The following PARD3B variants were observed in gnomAD, a reference collection of about 807,000 sequenced individuals.
The protein encoded by PARD3B is partitioning defective 3 homolog B.
Under a neutral mutation model 130.2 loss-of-function variants are expected in PARD3B, and 103 were observed. The observed-to-expected ratio is 0.79, with a 90% CI of 0.67 to 0.93. The LOEUF is 0.93. Among genes scored for constraint, PARD3B ranks in the 40% least tolerant of loss-of-function variants. The pLI, the probability that PARD3B is intolerant of heterozygous loss-of-function variation, is 0.00. For synonymous variants in PARD3B, 583 were observed against 553.2 expected, an observed-to-expected ratio of 1.05 and a Z score of -0.76; for missense variants, 1,609 against 1,499.2, an observed-to-expected ratio of 1.07 and a Z score of -1.21.
chr2:204,563,722 G>T (rs2031491214), intron 1 of PARD3B, among the ~76,000 whole-genome samples: 1 of 152,068 alleles, frequency 6.6e-6, no homozygotes, highest in Non-Finnish European at 1.5e-5. Flanking sequence ...TGACACTTTT[G>T]AGACTCATGT....
chr2:205,034,367 T>C (rs7568370), intron 3 of PARD3B, among the ~76,000 whole-genome samples: 83,720 of 152,040 alleles, frequency 0.55, 23,554 homozygotes, highest in Middle Eastern at 0.72. Flanking sequence ...ACAACTTGTT[T>C]TATCCCGATT....
intron 19 of PARD3B, among the ~76,000 whole-genome samples, chr2:205,404,398 C>T (rs77550434): frequency 0.025 from 3,874 of 152,158 alleles, 153 homozygotes; most frequent in African/African-American, 0.087. Flanking sequence ...ATCAGGGAGT[C>T]GATCATTCAC....
rs1207566616 is a variant in PARD3B, at chr2:204,545,697, G to A, written c.-303G>A. Reference sequence around the variant, plus strand: ...TGGGCGCGGAGCAGCCGCCTGGGCCGGGCAGGAGTAGGAGCGGGAGGAGGA... The same window carrying A: ...TGGGCGCGGAGCAGCCGCCTGGGCCAGGCAGGAGTAGGAGCGGGAGGAGGA... On this transcript the variant is annotated 5_prime_UTR_variant, in exon 1 of 23. Transcript: ENST00000406610. 1.9e-5 allele frequency: 5 copies of A among 261,956 alleles called. No homozygotes were observed. The highest frequency in any genetic ancestry group is 3.6e-5 in the Non-Finnish European group (5 of 140,794). The allele number at this position is 261,956 out of a possible 1,614,324, so 16.2% of individuals were successfully genotyped here.
intron 3 of PARD3B, among the ~76,000 whole-genome samples, chr2:205,009,530 G>A (rs1166477181): frequency 6.6e-6 from 1 of 152,026 alleles, no homozygotes; most frequent in Non-Finnish European, 1.5e-5. Context: ...AATTAGCCGG[G>A]CATGGTGGCG....
At chr2:205,127,134 A>G (rs2031521058) in intron 10 of PARD3B, among the ~76,000 whole-genome samples, 3 of 151,716 alleles carry the variant, frequency 2.0e-5, no homozygotes, top group South Asian at 4.2e-4. Flanking sequence ...CGTCTCTACT[A>G]AAAAATACAA....
intron 2 of PARD3B, among the ~76,000 whole-genome samples, chr2:204,895,020 T>A (rs969858170): frequency 4.0e-5 from 6 of 150,602 alleles, no homozygotes; most frequent in African/African-American, 1.5e-4. Flanking sequence ...AGTAATAGAT[T>A]TTTTGAAAAG....
Position 205,564,406 on chromosome 2 carries a change from C to G in PARD3B, c.3260+11003C>G, listed in dbSNP as rs2106528593. On this transcript the variant is annotated intron_variant, in intron 22 of 22. Transcript: ENST00000406610. The surrounding 1 kb of genome is among the most constrained non-coding windows in gnomAD (Gnocchi z 4.6). ...ACTCCTCTTAGCAAATTCAAACACC[C>G]ACTTCCTTCCAGCCAAAATATTTTA... is the stretch of plus-strand genomic sequence containing the variant. Among the ~76,000 whole-genome samples, 1 of 152,318 alleles carries G rather than the reference C, an allele frequency of 6.6e-6. No individual in the cohort carries two copies. The highest frequency in any genetic ancestry group is 2.1e-4 in the South Asian group (1 of 4,816).
At chr2:205,343,325 T>C (rs2080419) in intron 18 of PARD3B, among the ~76,000 whole-genome samples, 85,125 of 152,006 alleles carry the variant, frequency 0.56, 27,601 homozygotes, top group South Asian at 0.75. Context: ...GCTCCGAGCA[T>C]GAAGGAGATA....
chr2:205,075,508 A>AAT, intron 4 of PARD3B, among the ~76,000 whole-genome samples: 1 of 152,042 alleles, frequency 6.6e-6, no homozygotes. Flanking sequence ...TATATTAAGA[A>AAT]ATATATATAT....
intron 21 of PARD3B, among the ~76,000 whole-genome samples, chr2:205,528,594 C>T (rs993373309): frequency 1.1e-4 from 16 of 151,886 alleles, no homozygotes; most frequent in East Asian, 3.9e-4. Flanking sequence ...CAGGTTCAAG[C>T]GATTCTTCTG....
chr2:205,122,561 C>T lies in PARD3B; in HGVS notation c.1165+612C>T, dbSNP rs557229737. Among the ~76,000 whole-genome samples the T allele has an allele frequency of 5.9e-5, 9 of 152,360 alleles. No homozygotes were observed. In the East Asian group the frequency reaches 1.5e-3, roughly 26 times the overall value. ...GCATATTTATGCAGTATTCTACACA[C>T]ATACATAAGCATTCATGTGCTTCTG... On this transcript the variant is annotated intron_variant, in intron 8 of 22. Transcript: ENST00000406610. The surrounding 1 kb of genome is among the most constrained non-coding windows in gnomAD (Gnocchi z 4.3).
At chr2:205,381,709 A>T (rs1022347718) in intron 18 of PARD3B, among the ~76,000 whole-genome samples, 1 of 152,032 alleles carries the variant, frequency 6.6e-6, no homozygotes, top group Non-Finnish European at 1.5e-5. Flanking sequence ...AGTGGTATGT[A>T]TTGGTAGACA....
intron 4 of PARD3B, among the ~76,000 whole-genome samples, chr2:205,054,952 G>A (rs904522257): frequency 6.6e-6 from 1 of 152,062 alleles, no homozygotes; most frequent in Non-Finnish European, 1.5e-5. Flanking sequence ...ACCCCTGAAG[G>A]GAATTGCCAT....
intron 10 of PARD3B, among the ~76,000 whole-genome samples, chr2:205,144,664 TTGTAGATATGGTAAGAAC>T (rs1201765357): frequency 2.6e-5 from 4 of 152,222 alleles, no homozygotes; most frequent in Non-Finnish European, 5.9e-5. Flanking sequence ...AAATGACATG[TTGTAGATATGGTAAGAAC>T]TTTTTCATTA....
chr2:205,393,777 T>C (rs1205646994), intron 18 of PARD3B, among the ~76,000 whole-genome samples: 1 of 151,982 alleles, frequency 6.6e-6, no homozygotes, highest in Non-Finnish European at 1.5e-5. Context: ...CCTTAAGAAG[T>C]GAACTAAATG....
At chr2:205,418,878 G>A (rs1353810763) in intron 19 of PARD3B, among the ~76,000 whole-genome samples, 1 of 152,060 alleles carries the variant, frequency 6.6e-6, no homozygotes, top group African/African-American at 2.4e-5. Context: ...GTTGAGACAG[G>A]CAGATAACTT....
intron 1 of PARD3B, among the ~76,000 whole-genome samples, chr2:204,622,395 G>T (rs76558669): frequency 9.9e-5 from 15 of 152,034 alleles, no homozygotes; most frequent in African/African-American, 2.7e-4. Context: ...TGCTGTTGAG[G>T]ATATATAGCT....
At chr2:205,003,139 C>G (rs542761633) in intron 3 of PARD3B, among the ~76,000 whole-genome samples, 38 of 152,330 alleles carry the variant, frequency 2.5e-4, no homozygotes, top group African/African-American at 8.9e-4. Context: ...CCGGCAATGG[C>G]CGTCCGGTCT....
chr2:205,401,508 A>T (rs1438194477), intron 19 of PARD3B, among the ~76,000 whole-genome samples: 1 of 151,990 alleles, frequency 6.6e-6, no homozygotes, highest in African/African-American at 2.4e-5. Flanking sequence ...TCTTAATTTT[A>T]TTCTGCGCAA....
Sources: allele counts gnomAD v4.1 joint callset (sites outside exome capture counted in the v4.1 genomes callset), GRCh38; gene constraint gnomAD v4.1.1; non-coding constraint Gnocchi (gnomAD v3.1); transcripts MANE v1.5; gene names NCBI Gene and HGNC (gene_info 2026-07-23, HGNC 2026-07-21).